MYOM1: variants seen among roughly 807,000 people sequenced by gnomAD.
MYOM1 encodes the protein myomesin 1.
In MYOM1, 164 loss-of-function variants were observed where a neutral mutation model predicts 205.3. The observed-to-expected ratio is 0.80, with a 90% CI of 0.70 to 0.91. The LOEUF (loss-of-function observed/expected upper bound fraction) is 0.91, where lower values mean the gene tolerates loss of function less well. Among genes scored for constraint, MYOM1 ranks in the 40% least tolerant of loss-of-function variants. MYOM1 has a pLI of 0.00. For synonymous variants in MYOM1, 772 were observed against 789.4 expected (o/e 0.98, Z 0.37); for missense variants, 2,011 against 2,127.3 (o/e 0.95, Z 1.08).
Position 3,193,359 on chromosome 18 carries a change from T to TACACACACACACACAC in MYOM1, c.431+458_431+459insGTGTGTGTGTGTGTGT, listed in dbSNP as rs536189289. Among the ~76,000 whole-genome samples the TACACACACACACACAC allele has an allele frequency of 1.0e-3, 121 of 119,300 alleles. 1 individual carries two copies. Among genetic ancestry groups the TACACACACACACACAC allele is most frequent in the Middle Eastern group, 4.0e-3 (1 of 252 alleles). 78.3% of individuals were successfully genotyped at this position (119,300 alleles called of 152,430 possible). A position where few individuals can be genotyped will look rare whatever the true frequency, so the allele number is the denominator to read the frequency against. On this transcript the variant is annotated intron_variant, in intron 3 of 37. Transcript: ENST00000356443. ...ATATGTACATATACATATATATATA[T>TACACACACACACACAC]ATACACACACACACACACACACAAT...
intron 21 of MYOM1, 123 bp from the exon 22 acceptor site, chr18:3,112,535 G>C: frequency 1.6e-6 from 1 of 611,850 alleles, no homozygotes. Flanking sequence ...AGGGATACAA[G>C]ACTTGTGGTC....
rs199829674 is a variant in MYOM1 at position 3,131,505 on chromosome 18, A to C, written c.2385-9T>G. The C allele has an allele frequency of 6.2e-7, 1 of 1,608,786 alleles. No homozygotes were observed. The highest frequency in any genetic ancestry group is 8.5e-7 in the Non-Finnish European group (1 of 1,177,848). On this transcript the variant is annotated splice_polypyrimidine_tract_variant and intron_variant, in intron 16 of 37. Coordinates refer to ENST00000356443, the MANE Select transcript of MYOM1 (RefSeq NM_003803.4). ...ATCCATGACAAGTGAATCTAAAAGG[A>C]AAACAAGTTTTAAAAAATTTTCCTA...
rs201409582 is a variant in MYOM1, at chr18:3,187,587, G to A, written c.822C>T (p.Leu274=). Residue 274 remains leucine, a synonymous_variant, in exon 5 of 38, where the codon CTC becomes CTT. Transcript: ENST00000356443. ...GTTTAATGATAAACTCAGGAGCATG[G>A]AGAAGATGGTCTTCATTCAGCTTGG... ...YHAKLNEDHL[L]HAPEFIIKPR... 970 of 1,613,290 alleles carry A rather than the reference G, an allele frequency of 6.0e-4. No individual in the cohort carries two copies. Among genetic ancestry groups the A allele is most frequent in the Non-Finnish European group, 7.6e-4 (901 of 1,179,504 alleles).
At chr18:3,198,854 G>T (rs1279761280) in intron 2 of MYOM1, among the ~76,000 whole-genome samples, 3 of 152,054 alleles carry the variant, frequency 2.0e-5, no homozygotes, top group Non-Finnish European at 4.4e-5. Context: ...CTCAACCCTG[G>T]TTTCACATCA....
At chr18:3,105,135 G>T (rs1407178239) in intron 22 of MYOM1, among the ~76,000 whole-genome samples, 1 of 152,104 alleles carries the variant, frequency 6.6e-6, no homozygotes, top group Non-Finnish European at 1.5e-5. Flanking sequence ...AGACAGGGAG[G>T]TAAGAAGCTA....
At chr18:3,088,845 C>A (rs1412755884) in intron 29 of MYOM1, among the ~76,000 whole-genome samples, 2 of 152,112 alleles carry the variant, frequency 1.3e-5, no homozygotes, top group Non-Finnish European at 2.9e-5. Context: ...TGGAGTGATT[C>A]TGGAATAGGT....
chr18:3,228,650 A>G, the MYOM1 span, among the ~76,000 whole-genome samples: 2 of 152,212 alleles, frequency 1.3e-5, no homozygotes, highest in African/African-American at 4.8e-5. The surrounding 1 kb of genome is among the most constrained non-coding windows in gnomAD (Gnocchi z 4.5). Flanking sequence ...TTTTAAGAGT[A>G]AAGTTCAGGG....
Position 3,135,141 on chromosome 18 carries a change from G to A in MYOM1, c.2210-317C>T. 1 of 321,836 alleles carries A rather than the reference G, an allele frequency of 3.1e-6. No homozygotes were observed. The highest frequency in any genetic ancestry group is 5.9e-6 in the Non-Finnish European group (1 of 169,706). The allele number at this position is 321,836 out of a possible 1,614,324, so 19.9% of individuals were successfully genotyped here. A position where few individuals can be genotyped will look rare whatever the true frequency, so the allele number is the denominator to read the frequency against. On this transcript the variant is annotated intron_variant, in intron 15 of 37. Coordinates refer to ENST00000356443, the MANE Select transcript of MYOM1 (RefSeq NM_003803.4). This position sits in a 1 kb window ranked among gnomAD's most constrained non-coding sequence, Gnocchi z 4.1. Reference sequence around the variant, plus strand: ...ATTTTTGTGTTTTCAGTAGAGATGGGGTTTCACCATGTTGGCCAGGCTGGT... The same window carrying A: ...ATTTTTGTGTTTTCAGTAGAGATGGAGTTTCACCATGTTGGCCAGGCTGGT...
chr18:3,197,723 A>G (rs1461687933), intron 2 of MYOM1, among the ~76,000 whole-genome samples: 7 of 151,738 alleles, frequency 4.6e-5, no homozygotes, highest in Non-Finnish European at 8.8e-5. Context: ...AATACAAAAA[A>G]TTAGCTGGGC....
At chr18:3,150,495 T>A (rs1159501371) in intron 12 of MYOM1, among the ~76,000 whole-genome samples, 1 of 152,102 alleles carries the variant, frequency 6.6e-6, no homozygotes, top group Admixed American at 6.5e-5. Flanking sequence ...TTTGGTAGTG[T>A]CTCCATGACA....
chr18:3,229,698 G>A, the MYOM1 span, among the ~76,000 whole-genome samples: 1 of 152,064 alleles, frequency 6.6e-6, no homozygotes, highest in Non-Finnish European at 1.5e-5. Flanking sequence ...GGCCGGGCGC[G>A]GTGGCTCACG....
Position 3,189,224 on chromosome 18 carries a change from G to A in MYOM1, c.432-137C>T. 1 of 785,098 alleles carries A rather than the reference G, an allele frequency of 1.3e-6. No homozygotes were observed. Among genetic ancestry groups the A allele is most frequent in the Non-Finnish European group, 2.0e-6 (1 of 506,350 alleles). 48.6% of individuals were successfully genotyped at this position (785,098 alleles called of 1,614,324 possible). On this transcript the variant is annotated intron_variant, in intron 3 of 37. Coordinates refer to ENST00000356443, the MANE Select transcript of MYOM1 (RefSeq NM_003803.4). This position sits in a 1 kb window ranked among gnomAD's most constrained non-coding sequence, Gnocchi z 4.8. ...AAAATCCGACATAGAAAAAGCAGGT[G>A]AATCAGAAGCTGACACTTCATGTAC...
chr18:3,193,050 C>T (rs1377345366), intron 3 of MYOM1, among the ~76,000 whole-genome samples: 1 of 151,890 alleles, frequency 6.6e-6, no homozygotes, highest in African/African-American at 2.4e-5. Context: ...GGGAAGATCA[C>T]TTGAGCCCAG....
At chr18:3,075,344 A>G in intron 36 of MYOM1, 110 bp downstream of exon 36, 1 of 1,093,506 alleles carries the variant, frequency 9.1e-7, no homozygotes, top group Non-Finnish European at 1.3e-6. Context: ...TTTAAAAAAG[A>G]AAAAAACCAC....
intron 3 of MYOM1, among the ~76,000 whole-genome samples, chr18:3,192,449 C>T (rs1366171952): frequency 2.0e-5 from 3 of 152,198 alleles, no homozygotes; most frequent in Non-Finnish European, 1.5e-5. Context: ...TGACATTAGC[C>T]TCTGACACAA....
Position 3,154,928 on chromosome 18 carries a change from T to C in MYOM1, c.1643+19A>G. On this transcript the variant is annotated intron_variant, in intron 11 of 37. Coordinates refer to ENST00000356443, the MANE Select transcript of MYOM1 (RefSeq NM_003803.4). Reference sequence around the variant, plus strand: ...TCTATGACCAAATAACTGTAATTGATGTTAGCCTAAGCACTAACTTATCAA... The same window carrying C: ...TCTATGACCAAATAACTGTAATTGACGTTAGCCTAAGCACTAACTTATCAA... The C allele has an allele frequency of 1.9e-6, 3 of 1,605,326 alleles. No homozygotes were observed. The highest frequency in any genetic ancestry group is 8.5e-7 in the Non-Finnish European group (1 of 1,175,644).
chr18:3,144,732 G>T (rs996252657), intron 13 of MYOM1, among the ~76,000 whole-genome samples: 6 of 152,186 alleles, frequency 3.9e-5, no homozygotes, highest in African/African-American at 1.4e-4. Context: ...ATGGGTAAAA[G>T]AAGTCATGTT....
At chr18:3,174,751 C>T (rs955716553) in intron 6 of MYOM1, among the ~76,000 whole-genome samples, 3 of 151,252 alleles carry the variant, frequency 2.0e-5, no homozygotes, top group South Asian at 2.1e-4. Flanking sequence ...CCCTGAGCCA[C>T]GTTGGTCTAT....
chr18:3,176,504 A>G (rs1294496886), intron 5 of MYOM1, among the ~76,000 whole-genome samples: 1 of 152,228 alleles, frequency 6.6e-6, no homozygotes. Flanking sequence ...ACTAGAAATC[A>G]GTAGTGTGTT....
Sources: gnomAD v4.1 joint callset for allele counts (sites outside exome capture counted in the v4.1 genomes callset) on GRCh38, gnomAD v4.1.1 for gene constraint, Gnocchi (gnomAD v3.1) non-coding constraint, MANE v1.5 for transcripts, NCBI Gene and HGNC (gene_info 2026-07-23, HGNC 2026-07-21) for gene names.